Variants in DNM3 observed in about 807,000 individuals in gnomAD.
The protein encoded by DNM3 is dynamin 3, also known as dynamin-3.
A neutral mutation model predicts 101.6 loss-of-function variants in DNM3; 47 were observed. That is an observed-to-expected ratio of 0.46 (90% CI 0.37 to 0.59). The LOEUF is 0.59. Among genes scored for constraint, DNM3 ranks in the 20% least tolerant of loss-of-function variants. The pLI, the probability that DNM3 is intolerant of heterozygous loss-of-function variation, is 0.00. For missense variants in DNM3, 849 were observed against 1,085.7 expected (o/e 0.78, Z 3.06); for synonymous variants, 385 against 387.9 (o/e 0.99, Z 0.09).
chr1:172,097,942 C>T (rs555580448), intron 13 of DNM3, among the ~76,000 whole-genome samples: 8 of 151,980 alleles, frequency 5.3e-5, no homozygotes, highest in East Asian at 3.9e-4. Flanking sequence ...AGGGAGTGTA[C>T]GAATAGGGTT....
At chr1:172,290,101 C>A in intron 15 of DNM3, 1 of 675,098 alleles carries the variant, frequency 1.5e-6, no homozygotes, top group Non-Finnish European at 1.8e-6. Context: ...TGAGACTAGT[C>A]AGTCAACAAA....
chr1:172,377,553 C>CATATATATATATAT (rs34612864), intron 17 of DNM3, among the ~76,000 whole-genome samples: 2,498 of 123,078 alleles, frequency 0.02, 71 homozygotes, highest in African/African-American at 0.041. Flanking sequence ...TGATATATAT[C>CATATATATATATAT]ATATATATAT....
chr1:171,938,385 A>G (rs964944699), intron 2 of DNM3, among the ~76,000 whole-genome samples: 3 of 152,198 alleles, frequency 2.0e-5, no homozygotes, highest in East Asian at 1.9e-4. Flanking sequence ...GGAGCTTGGC[A>G]TCTCCTCCTT....
chr1:172,384,302 AT>A (rs1311858959), intron 18 of DNM3, among the ~76,000 whole-genome samples: 17 of 152,152 alleles, frequency 1.1e-4, no homozygotes, highest in Non-Finnish European at 2.2e-4. Context: ...ACAGCTGTCT[AT>A]TGTTCTCCTG....
chr1:172,308,327 C>T (rs2064933072), intron 15 of DNM3, among the ~76,000 whole-genome samples: 1 of 152,090 alleles, frequency 6.6e-6, no homozygotes, highest in Non-Finnish European at 1.5e-5. Flanking sequence ...TATTGCCGTG[C>T]ATCTTAAAGT....
At chr1:172,337,906 ATT>A (rs1285750870) in intron 17 of DNM3, among the ~76,000 whole-genome samples, 1 of 123,458 alleles carries the variant, frequency 8.1e-6, no homozygotes, top group African/African-American at 3.2e-5. Flanking sequence ...ATTTTATTTT[ATT>A]TTATTTTATT....
chr1:172,011,655 A>T (rs901841172), intron 4 of DNM3, among the ~76,000 whole-genome samples: 1 of 152,056 alleles, frequency 6.6e-6, no homozygotes, highest in African/African-American at 2.4e-5. Flanking sequence ...TCAGAAACAG[A>T]GATTTCCAAA....
At chr1:172,305,050 G>A (rs184556392) in intron 15 of DNM3, among the ~76,000 whole-genome samples, 4 of 152,224 alleles carry the variant, frequency 2.6e-5, no homozygotes, top group South Asian at 4.1e-4. Flanking sequence ...AACTGAAGGC[G>A]ATAGAGACAC....
chr1:172,408,100 T>G lies in DNM3; in HGVS notation c.*259T>G. On this transcript the variant is annotated 3_prime_UTR_variant, in exon 21 of 21. Coordinates refer to ENST00000627582, the MANE Select transcript of DNM3 (RefSeq NM_015569.5). ...AGGTTTGTATAGCAGCCCTATACTTTGGGGATCATTTGCCTACCATGGCAT... is the reference window on the plus strand; with the variant it reads ...AGGTTTGTATAGCAGCCCTATACTTGGGGGATCATTTGCCTACCATGGCAT... 1 of 1,252,156 alleles carries G rather than the reference T, an allele frequency of 8.0e-7. No homozygotes were observed. Among genetic ancestry groups the G allele is most frequent in the Non-Finnish European group, 1.0e-6 (1 of 993,120 alleles). The allele number at this position is 1,252,156 out of a possible 1,614,324, so 77.6% of individuals were successfully genotyped here.
chr1:171,881,658 A>G (rs1047607781), intron 1 of DNM3, among the ~76,000 whole-genome samples: 15 of 152,218 alleles, frequency 9.9e-5, no homozygotes, highest in African/African-American at 3.6e-4. Context: ...TTCTGCTGAA[A>G]TGGCAGACCT....
At chr1:172,370,213 T>C (rs1313669858) in intron 17 of DNM3, 1 of 151,928 alleles carries the variant, frequency 6.6e-6, no homozygotes, top group Non-Finnish European at 1.5e-5. Flanking sequence ...TTATTGTTAC[T>C]TTTTAAAATA....
chr1:172,367,657 G>A (rs554455822), intron 17 of DNM3, among the ~76,000 whole-genome samples: 61 of 152,002 alleles, frequency 4.0e-4, no homozygotes, highest in African/African-American at 1.4e-3. Context: ...CTGGCTGAAT[G>A]GTTAAAAATC....
chr1:172,389,326 T>A (rs2069387117), intron 20 of DNM3: 1 of 157,622 alleles, frequency 6.3e-6, no homozygotes, highest in South Asian at 1.9e-4. Context: ...ATTGTTTTTT[T>A]AAAAACTACA....
intron 1 of DNM3, among the ~76,000 whole-genome samples, chr1:171,870,994 G>A (rs1195378972): frequency 6.6e-6 from 1 of 152,158 alleles, no homozygotes; most frequent in Non-Finnish European, 1.5e-5. Context: ...AAATTTTCAG[G>A]GAATAGCTTG....
rs536101985 is a variant in DNM3 at position 171,918,809 on chromosome 1, CAT to C, written c.162-2937_162-2936del. On this transcript the variant is annotated intron_variant, in intron 1 of 20. Coordinates refer to ENST00000627582, the MANE Select transcript of DNM3 (RefSeq NM_015569.5). ...TGTATCTGTGTATTTTTAGTCAACA[CAT>C]AATTATTTGCTATTTATAATGTTTG... Among the ~76,000 whole-genome samples, 35 of 152,240 alleles carry C rather than the reference CAT, an allele frequency of 2.3e-4. No homozygotes were observed. The East Asian group carries it at 6.8e-3, about 29-fold the overall frequency.
chr1:172,147,896 T>A (rs1468625237), intron 14 of DNM3, among the ~76,000 whole-genome samples: 1 of 152,130 alleles, frequency 6.6e-6, no homozygotes, highest in East Asian at 1.9e-4. Flanking sequence ...ACTTTCTCAA[T>A]GGTCATTTTA....
At chr1:172,269,183 T>G (rs937399294) in intron 15 of DNM3, among the ~76,000 whole-genome samples, 1 of 152,202 alleles carries the variant, frequency 6.6e-6, no homozygotes, top group Admixed American at 6.5e-5. Flanking sequence ...AAGACTGTGT[T>G]GATGAATGAG....
intron 20 of DNM3, among the ~76,000 whole-genome samples, chr1:172,390,436 T>G (rs7539464): frequency 6.6e-6 from 1 of 151,974 alleles, no homozygotes; most frequent in East Asian, 1.9e-4. Context: ...CCCCAGGGTT[T>G]TTCAGCCTCA....
At chr1:172,052,772 C>T (rs2050297272) in intron 10 of DNM3, among the ~76,000 whole-genome samples, 1 of 152,138 alleles carries the variant, frequency 6.6e-6, no homozygotes, top group Non-Finnish European at 1.5e-5. Flanking sequence ...AGAGCTTACT[C>T]CTGGTTTTAT....
Sources: gnomAD v4.1 joint callset for allele counts (sites outside exome capture counted in the v4.1 genomes callset) on GRCh38, gnomAD v4.1.1 for gene constraint, MANE v1.5 for transcripts, NCBI Gene and HGNC (gene_info 2026-07-23, HGNC 2026-07-21) for gene names.